The following MTUS2 variants were observed in gnomAD, a reference collection of about 807,000 sequenced individuals.
The protein encoded by MTUS2 is microtubule associated scaffold protein 2, also known as microtubule-associated tumor suppressor candidate 2.
Under a neutral mutation model 114.1 loss-of-function variants are expected in MTUS2, and 40 were observed. The observed-to-expected ratio is 0.35, with a 90% CI of 0.27 to 0.46. The LOEUF (loss-of-function observed/expected upper bound fraction) is 0.46. Among genes scored for constraint, MTUS2 ranks in the 20% least tolerant of loss-of-function variants. The probability of loss-of-function intolerance (pLI) is 1.00; values close to 1 mark genes in which losing one functional copy is unlikely to be tolerated. For missense variants in MTUS2, 1,679 were observed against 1,705.4 expected (o/e 0.98, Z 0.27); for synonymous variants, 688 against 672.0 (o/e 1.02, Z -0.37).
intron 6 of MTUS2, among the ~76,000 whole-genome samples, chr13:29,284,666 A>G (rs1268380663): frequency 6.6e-6 from 1 of 152,364 alleles, no homozygotes; most frequent in East Asian, 1.9e-4. Context: ...TCAGATTCAG[A>G]AAGAATTGCA....
intron 6 of MTUS2, chr13:29,307,171 G>A (rs1310294119): frequency 1.8e-5 from 9 of 499,332 alleles, no homozygotes; most frequent in Non-Finnish European, 3.0e-5. Flanking sequence ...CCTGATGTTC[G>A]TGATGGGCGT....
rs79882090 is a variant in MTUS2 at position 29,403,387 on chromosome 13, A to C, written c.3118-36596A>C. On this transcript the variant is annotated intron_variant, in intron 8 of 15. Coordinates refer to ENST00000612955, the MANE Select transcript of MTUS2 (RefSeq NM_001033602.4). Reference sequence around the variant, plus strand: ...TTGTATTTTGGCACCACGATCACCTAAACTAGGAAACTGGGAATACTCTGT... The same window carrying C: ...TTGTATTTTGGCACCACGATCACCTCAACTAGGAAACTGGGAATACTCTGT... 3.9e-3 allele frequency among the ~76,000 whole-genome samples: 591 copies of C among 152,252 alleles called. 6 individuals are homozygous for C. Among genetic ancestry groups the C allele is most frequent in the African/African-American group, 0.013 (552 of 41,542 alleles).
intron 5 of MTUS2, among the ~76,000 whole-genome samples, chr13:29,126,540 A>G (rs984259703): frequency 3.3e-5 from 5 of 151,742 alleles, no homozygotes; most frequent in Non-Finnish European, 7.4e-5. Context: ...CCAACCTGCA[A>G]CCTCCTGGCT....
chr13:29,125,004 A>G (rs1891458512), intron 5 of MTUS2, among the ~76,000 whole-genome samples: 1 of 152,178 alleles, frequency 6.6e-6, no homozygotes. Context: ...AATTCTGGAG[A>G]TGGATGGTTG....
intron 6 of MTUS2, among the ~76,000 whole-genome samples, chr13:29,297,690 C>T (rs1899009677): frequency 6.6e-6 from 1 of 152,172 alleles, no homozygotes; most frequent in South Asian, 2.1e-4. Flanking sequence ...GGTCTGTTTA[C>T]ACTTGTCCCT....
intron 9 of MTUS2, among the ~76,000 whole-genome samples, chr13:29,441,202 A>G (rs1877828975): frequency 6.6e-6 from 1 of 151,686 alleles, no homozygotes; most frequent in Non-Finnish European, 1.5e-5. Flanking sequence ...CTTCTCCCCC[A>G]CCAGGAGAAG....
chr13:28,897,779 G>C (rs1013415423), intron 2 of MTUS2, among the ~76,000 whole-genome samples: 1 of 151,818 alleles, frequency 6.6e-6, no homozygotes. Flanking sequence ...GGAAACCATC[G>C]TTCTCAGCAT....
intron 4 of MTUS2, among the ~76,000 whole-genome samples, chr13:29,059,135 C>T (rs7985752): frequency 3.8e-4 from 57 of 151,574 alleles, no homozygotes; most frequent in African/African-American, 1.2e-3. Context: ...AAGAAGACAC[C>T]GTGGCTTTTC....
chr13:29,137,603 C>T (rs1166069570), intron 5 of MTUS2, among the ~76,000 whole-genome samples: 1 of 151,264 alleles, frequency 6.6e-6, no homozygotes, highest in Non-Finnish European at 1.5e-5. Flanking sequence ...CCTTCCCCTC[C>T]TTCTTCCTTC....
At chr13:29,350,981 A>G (rs1035190899) in intron 7 of MTUS2, among the ~76,000 whole-genome samples, 1 of 115,082 alleles carries the variant, frequency 8.7e-6, no homozygotes, top group African/African-American at 3.0e-5. Flanking sequence ...ATATATATAT[A>G]TATCTTCAGA....
At chr13:29,077,402 A>G (rs569679851) in intron 4 of MTUS2, among the ~76,000 whole-genome samples, 1 of 152,362 alleles carries the variant, frequency 6.6e-6, no homozygotes, top group South Asian at 2.1e-4. Context: ...AAATTAAAAA[A>G]AAAATGAGCC....
At chr13:29,013,761 T>C (rs977012387) in intron 2 of MTUS2, among the ~76,000 whole-genome samples, 7 of 132,840 alleles carry the variant, frequency 5.3e-5, no homozygotes, top group African/African-American at 1.9e-4. Flanking sequence ...TGATACTTTG[T>C]TAAACTATCC....
chr13:28,971,530 A>T (rs897940387), intron 2 of MTUS2, among the ~76,000 whole-genome samples: 2 of 152,368 alleles, frequency 1.3e-5, no homozygotes, highest in South Asian at 4.1e-4. Flanking sequence ...TAGGACTTCA[A>T]CAGTAAGAGC....
intron 2 of MTUS2, among the ~76,000 whole-genome samples, chr13:28,909,177 T>G (rs1466880209): frequency 6.6e-6 from 1 of 151,528 alleles, no homozygotes; most frequent in Admixed American, 6.6e-5. Context: ...ATGCGGGCTT[T>G]TTTTTGGTTC....
chr13:29,262,563 A>G (rs1593236114), intron 5 of MTUS2, among the ~76,000 whole-genome samples: 1 of 134,420 alleles, frequency 7.4e-6, no homozygotes, highest in Admixed American at 7.5e-5. Context: ...TTAAATTGTG[A>G]TTAGTGTAAA....
At chr13:29,244,591 G>A (rs1030623397) in intron 5 of MTUS2, among the ~76,000 whole-genome samples, 1 of 152,166 alleles carries the variant, frequency 6.6e-6, no homozygotes, top group African/African-American at 2.4e-5. Context: ...GCTATTGGAA[G>A]TTAGGCTAAT....
intron 2 of MTUS2, among the ~76,000 whole-genome samples, chr13:29,012,265 T>G (rs1429410386): frequency 6.6e-6 from 1 of 152,094 alleles, no homozygotes; most frequent in African/African-American, 2.4e-5. Flanking sequence ...TGAGTAACTG[T>G]CCGTGCTGCC....
At chr13:28,862,751 G>A (rs1264132671) in intron 2 of MTUS2, among the ~76,000 whole-genome samples, 1 of 152,158 alleles carries the variant, frequency 6.6e-6, no homozygotes, top group African/African-American at 2.4e-5. Context: ...GTCATTGAAA[G>A]TGATCATTTT....
rs766798315 is a variant in MTUS2 at position 29,025,640 on chromosome 13, T to G, written c.942T>G (p.Tyr314Ter). 6.2e-7 allele frequency: 1 copy of G among 1,614,034 alleles called. No homozygotes were observed. Among genetic ancestry groups the G allele is most frequent in the Non-Finnish European group, 8.5e-7 (1 of 1,179,892 alleles). ...GKGEAKLDLKYVPPRRVEQEG... is the reference protein window; with the variant it reads ...GKGEAKLDLK ...GAGAGGCCAAGCTGGATCTGAAATA[T>G]GTTCCTCCCAGGAGAGTTGAACAGG... The change falls in exon 3 of 16, where the codon TAT becomes TAG. Residue 314 changes from tyrosine (Y) to a stop codon, truncating the protein, a stop_gained. Coordinates refer to ENST00000612955, the MANE Select transcript of MTUS2 (RefSeq NM_001033602.4). LOFTEE classifies it high-confidence loss of function.
Sources: allele counts gnomAD v4.1 joint callset (sites outside exome capture counted in the v4.1 genomes callset), GRCh38; gene constraint gnomAD v4.1.1; transcripts MANE v1.5; gene names NCBI Gene and HGNC (gene_info 2026-07-23, HGNC 2026-07-21).